The following DAB1 variants were observed in gnomAD, a reference collection of about 807,000 sequenced individuals.
The protein encoded by DAB1 is disabled homolog 1.
DAB1 carries 15 observed loss-of-function variants against 64.6 expected under a neutral mutation model. The observed-to-expected ratio is 0.23, with a 90% confidence interval of 0.16 to 0.36. DAB1 has a LOEUF of 0.36. Ranked by LOEUF, DAB1 falls within the 10% of genes least tolerant of loss-of-function variation. The probability of loss-of-function intolerance (pLI) is 1.00; values close to 1 mark genes in which losing one functional copy is unlikely to be tolerated. For synonymous variants in DAB1, 235 were observed against 251.9 expected (o/e 0.93, Z 0.64); for missense variants, 596 against 706.7 (o/e 0.84, Z 1.78).
intron 6 of DAB1, among the ~76,000 whole-genome samples, chr1:57,681,272 A>C (rs1251260496): frequency 8.5e-5 from 13 of 152,150 alleles, no homozygotes; most frequent in Non-Finnish European, 2.9e-5. Context: ...TCTTCAGATG[A>C]CTGTCTTCTT....
intron 4 of DAB1, among the ~76,000 whole-genome samples, chr1:58,156,639 G>C (rs1655242477): frequency 6.6e-6 from 1 of 152,130 alleles, no homozygotes; most frequent in African/African-American, 2.4e-5. Flanking sequence ...GGTCAAGGAA[G>C]CTTTTTTGTG....
intron 4 of DAB1, among the ~76,000 whole-genome samples, chr1:57,119,876 C>A (rs968964796): frequency 3.3e-5 from 5 of 152,214 alleles, no homozygotes; most frequent in African/African-American, 1.2e-4. Flanking sequence ...ATTTTCAGTT[C>A]TTTCAGTTAC....
At chr1:57,476,482 G>A (rs557511481) in intron 7 of DAB1, among the ~76,000 whole-genome samples, 1 of 152,118 alleles carries the variant, frequency 6.6e-6, no homozygotes, top group African/African-American at 2.4e-5. Flanking sequence ...AACAGAAAGA[G>A]GCCAATAGGA....
intron 7 of DAB1, among the ~76,000 whole-genome samples, chr1:57,490,724 C>A (rs1035130246): frequency 6.6e-6 from 1 of 152,192 alleles, no homozygotes; most frequent in Non-Finnish European, 1.5e-5. Flanking sequence ...GCTATTTGAA[C>A]AATATCTAAA....
At chr1:57,909,668 A>C (rs1644611540) in intron 5 of DAB1, among the ~76,000 whole-genome samples, 3 of 152,222 alleles carry the variant, frequency 2.0e-5, no homozygotes, top group Non-Finnish European at 2.9e-5. Flanking sequence ...ACTGCAAAGA[A>C]AAAAAATATT....
chr1:58,142,254 C>T (rs936667306), intron 5 of DAB1, among the ~76,000 whole-genome samples: 2 of 152,200 alleles, frequency 1.3e-5, no homozygotes, highest in Non-Finnish European at 2.9e-5. Flanking sequence ...CTTGGTCTCT[C>T]AGTCAGACAA....
rs375585490 is a variant in DAB1 at position 57,996,849 on chromosome 1, T to A, written n.388-112687A>T. Among the ~76,000 whole-genome samples, 88 of 152,292 alleles carry A rather than the reference T, an allele frequency of 5.8e-4. 2 individuals carry two copies. In the South Asian group the frequency reaches 0.018, roughly 32 times the overall value. ...TTAGAATTTTCTCTTCCTTAGTGAT[T>A]CGTTTTAATGCCAGGCCACTCTTAG... On this transcript the variant is annotated intron_variant and non_coding_transcript_variant, in intron 5 of 20. Transcript: ENST00000485760.
chr1:57,071,236 C>T (rs1224298315), intron 6 of DAB1, 175 bp from the exon 7 acceptor site: 2 of 672,496 alleles, frequency 3.0e-6, no homozygotes, highest in Non-Finnish European at 5.0e-6. Flanking sequence ...CCACTCCCAC[C>T]TCCACCCGCA....
At chr1:58,166,681 G>C (rs544096519) in intron 4 of DAB1, among the ~76,000 whole-genome samples, 28 of 150,046 alleles carry the variant, frequency 1.9e-4, no homozygotes, top group African/African-American at 6.9e-4. Context: ...CATGATATCT[G>C]TGAGTAGAGT....
At chr1:57,035,966 C>T (rs1647134171) in intron 9 of DAB1, among the ~76,000 whole-genome samples, 1 of 150,996 alleles carries the variant, frequency 6.6e-6, no homozygotes, top group African/African-American at 2.4e-5. Flanking sequence ...CCTCAGCCTC[C>T]CGAGTAGCTG....
chr1:57,393,043 G>T (rs1364199505), intron 1 of DAB1, among the ~76,000 whole-genome samples: 3 of 152,272 alleles, frequency 2.0e-5, no homozygotes, highest in South Asian at 2.1e-4. Context: ...TTTTTTAAAT[G>T]AAAGTAAACA....
intron 5 of DAB1, among the ~76,000 whole-genome samples, chr1:58,045,957 G>T (rs1430353314): frequency 6.8e-6 from 1 of 147,162 alleles, no homozygotes. Context: ...TTTTTTTGGA[G>T]CCTCTGTTAT....
At chr1:58,374,788 G>A (rs945927732) in intron 3 of DAB1, among the ~76,000 whole-genome samples, 2 of 138,452 alleles carry the variant, frequency 1.4e-5, no homozygotes, top group South Asian at 2.3e-4. Flanking sequence ...CCATTTTCAC[G>A]ATCTTGATTC....
intron 5 of DAB1, among the ~76,000 whole-genome samples, chr1:58,148,162 A>G (rs1047128510): frequency 1.2e-4 from 18 of 152,158 alleles, no homozygotes; most frequent in African/African-American, 4.3e-4. Context: ...CTGTAGCCTG[A>G]CCTACCATCT....
At chr1:57,654,043 T>C (rs781202715) in intron 6 of DAB1, among the ~76,000 whole-genome samples, 5 of 152,248 alleles carry the variant, frequency 3.3e-5, no homozygotes, top group African/African-American at 4.8e-5. Context: ...AAATATCTTA[T>C]TGTGTTTTAG....
At chr1:58,499,815 T>C (rs1645877091) in intron 3 of DAB1, among the ~76,000 whole-genome samples, 1 of 151,620 alleles carries the variant, frequency 6.6e-6, no homozygotes, top group Non-Finnish European at 1.5e-5. Flanking sequence ...ACACTTGTAT[T>C]GAAAAAAAAA....
chr1:57,700,683 T>C (rs576248732), intron 6 of DAB1, among the ~76,000 whole-genome samples: 43 of 152,318 alleles, frequency 2.8e-4, no homozygotes, highest in African/African-American at 1.0e-3. Context: ...GGGTTAAATC[T>C]GTTTGGTGAT....
At chr1:57,505,408 C>A (rs1644332696) in intron 7 of DAB1, among the ~76,000 whole-genome samples, 1 of 152,160 alleles carries the variant, frequency 6.6e-6, no homozygotes, top group Admixed American at 6.5e-5. Flanking sequence ...GGATACAAAT[C>A]TGTGAGTACT....
intron 2 of DAB1, among the ~76,000 whole-genome samples, chr1:57,203,474 C>T (rs780450371): frequency 2.0e-5 from 3 of 152,138 alleles, no homozygotes; most frequent in Non-Finnish European, 4.4e-5. Flanking sequence ...GAACCAGTGG[C>T]CCACAGACTA....
Sources: allele counts gnomAD v4.1 joint callset (sites outside exome capture counted in the v4.1 genomes callset), GRCh38; gene constraint gnomAD v4.1.1; transcripts MANE v1.5; gene names NCBI Gene and HGNC (gene_info 2026-07-23, HGNC 2026-07-21).